The following IPCEF1 variants were observed in gnomAD, a reference collection of about 807,000 sequenced individuals.
IPCEF1 encodes interactor protein for cytohesin exchange factors 1.
IPCEF1 carries 31 observed loss-of-function variants against 50.9 expected under a neutral mutation model. The ratio of observed to expected loss-of-function variants is 0.61; its 90% confidence interval spans 0.46 to 0.82. IPCEF1 has a LOEUF of 0.82. Among genes scored for constraint, IPCEF1 ranks in the 40% least tolerant of loss-of-function variants. The pLI is 0.00. For synonymous variants in IPCEF1, 181 were observed against 192.0 expected (o/e 0.94, Z 0.47); for missense variants, 458 against 514.0 (o/e 0.89, Z 1.05).
intron 6 of IPCEF1, among the ~76,000 whole-genome samples, chr6:154,222,673 A>C (rs1310313721): frequency 6.6e-6 from 1 of 152,162 alleles, no homozygotes; most frequent in Non-Finnish European, 1.5e-5. Context: ...GGTCCCTGTC[A>C]GTGCTCAAAT....
At chr6:154,265,472 A>C (rs1225289007) in intron 3 of IPCEF1, among the ~76,000 whole-genome samples, 4 of 151,772 alleles carry the variant, frequency 2.6e-5, no homozygotes, top group Non-Finnish European at 5.9e-5. Flanking sequence ...GTACAGACAG[A>C]GTTTCACCAT....
chr6:154,213,179 T>A (rs1045814391), intron 8 of IPCEF1: 4 of 282,306 alleles, frequency 1.4e-5, no homozygotes, highest in African/African-American at 8.6e-5. Context: ...TGATTAATTT[T>A]GATTGTAGGA....
At chr6:154,305,443 T>C (rs1782906949) in intron 1 of IPCEF1, among the ~76,000 whole-genome samples, 1 of 152,234 alleles carries the variant, frequency 6.6e-6, no homozygotes, top group Non-Finnish European at 1.5e-5. Flanking sequence ...CTGCTGTACC[T>C]GTCTATCCTA....
chr6:154,326,604 C>T (rs1040446824), intron 1 of IPCEF1, among the ~76,000 whole-genome samples: 1 of 152,066 alleles, frequency 6.6e-6, no homozygotes, highest in South Asian at 2.1e-4. Flanking sequence ...GCTCTTGAAT[C>T]GGAAGAATTA....
chr6:154,189,981 T>C (rs1434810119), intron 10 of IPCEF1, among the ~76,000 whole-genome samples: 1 of 151,766 alleles, frequency 6.6e-6, no homozygotes, highest in Non-Finnish European at 1.5e-5. Context: ...CACATTAATA[T>C]GTACAATTGT....
At chr6:154,315,926 C>A (rs1264174878) in intron 1 of IPCEF1, among the ~76,000 whole-genome samples, 1 of 152,178 alleles carries the variant, frequency 6.6e-6, no homozygotes, top group Non-Finnish European at 1.5e-5. Context: ...TCACTGCAAT[C>A]TCAGCTCACT....
chr6:154,224,404 T>C (rs1779092872), intron 5 of IPCEF1, among the ~76,000 whole-genome samples: 2 of 152,152 alleles, frequency 1.3e-5, no homozygotes, highest in Non-Finnish European at 2.9e-5. Flanking sequence ...AATGCCTTCC[T>C]CTTATAAGAT....
chr6:154,352,600 T>G (rs60988597), intron 1 of IPCEF1, among the ~76,000 whole-genome samples: 7,153 of 152,262 alleles, frequency 0.047, 542 homozygotes, highest in African/African-American at 0.16. Flanking sequence ...CCTTTTTGTC[T>G]GCCGACTATC....
intron 5 of IPCEF1, among the ~76,000 whole-genome samples, chr6:154,232,448 A>G (rs563835740): frequency 6.6e-6 from 1 of 152,226 alleles, no homozygotes; most frequent in East Asian, 1.9e-4. Context: ...GAGGAAAATT[A>G]ATCCCATGCC....
chr6:154,355,029 CA>C (rs1171491352), intron 1 of IPCEF1, among the ~76,000 whole-genome samples: 3 of 105,078 alleles, frequency 2.9e-5, no homozygotes, highest in Non-Finnish European at 6.5e-5. Context: ...CACACACACA[CA>C]CACACACACA....
intron 2 of IPCEF1, 72 bp from the exon 3 acceptor site, chr6:154,266,036 G>A (rs1781745307): frequency 1.2e-6 from 1 of 841,016 alleles, no homozygotes; most frequent in South Asian, 1.6e-5. Flanking sequence ...CTCTTTGAGT[G>A]GGGAAAGAAA....
At chr6:154,289,400 ATTATAG>A (rs914851671) in intron 2 of IPCEF1, among the ~76,000 whole-genome samples, 218 of 151,934 alleles carry the variant, frequency 1.4e-3, no homozygotes, top group African/African-American at 5.0e-3. Context: ...TCTTCACATA[ATTATAG>A]TTATAAAGTA....
chr6:154,160,310 T>G lies in IPCEF1; in HGVS notation c.1105-270A>C, dbSNP rs561274282. Among the ~76,000 whole-genome samples the G allele has an allele frequency of 4.6e-5, 7 of 152,320 alleles. No individual in the cohort carries two copies. In the East Asian group the frequency reaches 9.6e-4, roughly 21 times the overall value. ...TTCTATGTTGCCTTTCCCTGATCAA[T>G]CCATTATTCCACACCACAGTAACAA... On this transcript the variant is annotated intron_variant, in intron 11 of 11. Transcript: ENST00000367220.
chr6:154,256,538 T>TCTCTCTCC (rs1781466026), intron 3 of IPCEF1, among the ~76,000 whole-genome samples: 1 of 42,122 alleles, frequency 2.4e-5, no homozygotes, highest in South Asian at 7.2e-4. Flanking sequence ...TCTGTCTCCG[T>TCTCTCTCC]CTCTCTCTCT....
rs200599242 is a variant in IPCEF1 at position 154,285,520 on chromosome 6, AC to A, written c.-18+4192del. ...AGCAAAAATATTATTAACCAGGAAA[AC>A]AATAGCTCAAATGTTAACCTGCCCT... On this transcript the variant is annotated intron_variant, in intron 2 of 11. Coordinates refer to ENST00000367220, the MANE Select transcript of IPCEF1 (RefSeq NM_001130700.2). 5.1e-3 allele frequency among the ~76,000 whole-genome samples: 774 copies of A among 152,320 alleles called. 3 individuals carry two copies. The highest frequency in any genetic ancestry group is 0.018 in the African/African-American group (732 of 41,580).
chr6:154,248,911 CAG>C (rs1416316430), intron 3 of IPCEF1, among the ~76,000 whole-genome samples: 3 of 151,782 alleles, frequency 2.0e-5, no homozygotes, highest in Non-Finnish European at 4.4e-5. Flanking sequence ...ATCTAATAAA[CAG>C]AAAAAAATCA....
intron 4 of IPCEF1, 186 bp from the exon 5 acceptor site, chr6:154,246,946 A>AT (rs1407627690): frequency 3.3e-6 from 2 of 597,066 alleles, no homozygotes; most frequent in East Asian, 6.0e-5. Context: ...AAAAAAAAAA[A>AT]AAAAAAGCCA....
chr6:154,352,384 T>C (rs1336223127), intron 1 of IPCEF1, among the ~76,000 whole-genome samples: 2 of 152,260 alleles, frequency 1.3e-5, no homozygotes, highest in Non-Finnish European at 2.9e-5. Context: ...GTTTCTTCAA[T>C]TAATTCTTTC....
chr6:154,308,360 T>G (rs2128679089), intron 1 of IPCEF1, among the ~76,000 whole-genome samples: 3 of 152,168 alleles, frequency 2.0e-5, no homozygotes. Flanking sequence ...TGAGCTCAGG[T>G]GATCTACCTG....
Sources: gnomAD v4.1 joint callset for allele counts (sites outside exome capture counted in the v4.1 genomes callset) on GRCh38, gnomAD v4.1.1 for gene constraint, MANE v1.5 for transcripts, NCBI Gene and HGNC (gene_info 2026-07-23, HGNC 2026-07-21) for gene names.